Variants in SMPD1 observed in about 807,000 individuals in gnomAD.
SMPD1 encodes sphingomyelin phosphodiesterase 1, also known as sphingomyelin phosphodiesterase.
A neutral mutation model predicts 49.7 loss-of-function variants in SMPD1; 47 were observed. That is an observed-to-expected ratio of 0.95 (90% CI 0.75 to 1.21). SMPD1 has a LOEUF of 1.21. Among genes scored for constraint, SMPD1 ranks in the 50% most tolerant of loss-of-function variants. The pLI is 0.00. For synonymous variants in SMPD1, 336 were observed against 339.6 expected (o/e 0.99, Z 0.12); for missense variants, 811 against 822.2 (o/e 0.99, Z 0.17).
In SMPD1 at chr11:6,391,629, C is replaced by CAA; in HGVS notation, c.566_567dup (p.Pro190AsnfsTer68). The CAA allele has an allele frequency of 6.5e-7, 1 of 1,543,596 alleles. No homozygotes were observed. The highest frequency in any genetic ancestry group is 8.8e-7 in the Non-Finnish European group (1 of 1,142,296). On this transcript the variant is annotated frameshift_variant, in exon 2 of 6. Transcript: ENST00000342245. LOFTEE classifies it high-confidence loss of function. ...TGCCTACTGTGCCGAAGCCGCCCCC[C>CAA]AAACCCCCTAGCCCCCCAGCCCCAG...
rs1270724849 is a variant in SMPD1, at chr11:6,392,033, G to T, written c.968G>T (p.Ser323Ile). ...PVYPAVGNHESTPVNSFPPPF... is the reference protein window; with the variant it reads ...PVYPAVGNHEITPVNSFPPPF... Reference sequence around the variant, plus strand: ...TACCCTGCTGTGGGTAACCATGAAAGCACACCTGTCAATAGCTTCCCTCCC... The same window carrying T: ...TACCCTGCTGTGGGTAACCATGAAATCACACCTGTCAATAGCTTCCCTCCC... Residue 323 changes from serine (S) to isoleucine (I), a missense_variant, in exon 2 of 6, where the codon AGC (serine) becomes ATC (isoleucine). Transcript: ENST00000342245. The T allele has an allele frequency of 5.0e-6, 8 of 1,614,036 alleles. No individual in the cohort carries two copies. Among genetic ancestry groups the T allele is most frequent in the Non-Finnish European group, 6.8e-6 (8 of 1,180,038 alleles).
chr11:6,391,687 G>C lies in SMPD1; in HGVS notation c.622G>C (p.Asp208His), dbSNP rs1445580451. The C allele has an allele frequency of 1.4e-6, 2 of 1,461,690 alleles. No individual in the cohort carries two copies. The highest frequency in any genetic ancestry group is 1.8e-6 in the Non-Finnish European group (2 of 1,096,978). The allele number at this position is 1,461,690 out of a possible 1,614,324, so 90.5% of individuals were successfully genotyped here. ...TGTCAGCCGCATCCTCTTCCTCACT[G>C]ACCTGCACTGGGATCATGACTACCT... The part of the protein sequence containing the change: ...APVSRILFLT[D>H]LHWDHDYLEG... Residue 208 changes from aspartate (D) to histidine (H), a missense_variant, in exon 2 of 6, where the codon GAC becomes CAC. Physicochemically the swap from Asp to His is moderately conservative, Grantham distance 81. Transcript: ENST00000342245.
At chr11:6,393,009 C>T (rs1389098195) in intron 2 of SMPD1, among the ~76,000 whole-genome samples, 2 of 152,106 alleles carry the variant, frequency 1.3e-5, no homozygotes, top group African/African-American at 4.8e-5. Flanking sequence ...ACTCTTATCC[C>T]TCCCCCATAC....
rs373475928 is a variant in SMPD1, at chr11:6,390,903, A to C, written c.305A>C (p.Asn102Thr). ...PICKGLFTAI[N>T]LGLKKEPNVA... Reference sequence around the variant, plus strand: ...TGCAAAGGTCTATTCACCGCCATCAACCTCGGGCTGAAGGTGAGCACTGAA... The same window carrying C: ...TGCAAAGGTCTATTCACCGCCATCACCCTCGGGCTGAAGGTGAGCACTGAA... The change falls in exon 1 of 6, where the codon AAC (asparagine) becomes ACC (threonine). Residue 102 changes from asparagine to threonine, a missense_variant. Physicochemically the swap from Asn to Thr is moderately conservative, Grantham distance 65. Transcript: ENST00000342245. The C allele has an allele frequency of 6.2e-7, 1 of 1,614,062 alleles. No individual in the cohort carries two copies. The highest frequency in any genetic ancestry group is 8.5e-7 in the Non-Finnish European group (1 of 1,180,020).
intron 3 of SMPD1, 54 bp downstream of exon 3, chr11:6,393,441 T>TA: frequency 6.3e-7 from 1 of 1,575,290 alleles, no homozygotes; most frequent in South Asian, 1.1e-5. Flanking sequence ...AGGCTCCTGT[T>TA]GAGCTGGAGC....
intron 1 of SMPD1, 106 bp downstream of exon 1, chr11:6,391,022 G>C (rs1185727827): frequency 1.4e-6 from 2 of 1,404,890 alleles, no homozygotes; most frequent in Non-Finnish European, 2.0e-6. Context: ...CTGATGGAGA[G>C]GGTGGCATCT....
rs1057516432 is a variant in SMPD1, at chr11:6,393,262, ATC to A, written c.1145_1146del (p.Leu382GlnfsTer8). ...ALSPYPGLRL[I>X]SLNMNFCSRE... is the part of the protein sequence containing the mutation. ...TTCCCCATACCCCGGTCTCCGCCTCATCTCTCTCAATATGAATTTTTGTTCCC... is the reference window on the plus strand; with the variant it reads ...TTCCCCATACCCCGGTCTCCGCCTCATCTCTCAATATGAATTTTTGTTCCC... On this transcript the variant is annotated frameshift_variant, in exon 3 of 6. Coordinates refer to ENST00000342245, the MANE Select transcript of SMPD1 (RefSeq NM_000543.5). LOFTEE classifies it high-confidence loss of function. 2.1e-5 allele frequency: 34 copies of A among 1,613,768 alleles called. No homozygotes were observed. The highest frequency in any genetic ancestry group is 2.8e-5 in the Non-Finnish European group (33 of 1,179,862).
intron 2 of SMPD1, 103 bp downstream of exon 2, chr11:6,392,259 C>T (rs1847960517): frequency 1.6e-6 from 2 of 1,262,772 alleles, no homozygotes; most frequent in South Asian, 1.2e-5. Flanking sequence ...TAGCATGAGT[C>T]CTTAGTGCTC....
In SMPD1 at chr11:6,392,092, C is replaced by T. The variant is rs1218611319; in HGVS notation, c.1027C>T (p.Leu343Phe). Residue 343 changes from leucine (L) to phenylalanine (F), a missense_variant, in exon 2 of 6, where the codon CTC becomes TTC. Coordinates refer to ENST00000342245, the MANE Select transcript of SMPD1 (RefSeq NM_000543.5). ...FIEGNHSSRWLYEAMAKAWEP... is the reference protein window; with the variant it reads ...FIEGNHSSRWFYEAMAKAWEP... ...TGAGGGCAACCACTCCTCCCGCTGG[C>T]TCTATGAAGCGATGGCCAAGGCTTG... is the stretch of plus-strand genomic sequence containing the variant. The T allele has an allele frequency of 6.2e-7, 1 of 1,614,062 alleles. No individual in the cohort carries two copies. The highest frequency in any genetic ancestry group is 8.5e-7 in the Non-Finnish European group (1 of 1,180,038).
intron 2 of SMPD1, 87 bp downstream of exon 2, chr11:6,392,243 T>C (rs1471113484): frequency 5.5e-6 from 8 of 1,465,430 alleles, no homozygotes; most frequent in East Asian, 2.3e-5. Context: ...TTGTCTCTGA[T>C]TGCTCTAGCA....
intron 1 of SMPD1, 55 bp from the exon 2 acceptor site, chr11:6,391,329 G>A (rs1449275996): frequency 6.3e-7 from 1 of 1,590,014 alleles, no homozygotes; most frequent in Non-Finnish European, 8.6e-7. Flanking sequence ...CCAGGGGTTG[G>A]CCTGGTTCCT....
Position 6,393,199 on chromosome 11 carries a change from T to A in SMPD1, c.1092-17T>A, listed in dbSNP as rs1481525737. On this transcript the variant is annotated splice_polypyrimidine_tract_variant and intron_variant, in intron 2 of 5. Transcript: ENST00000342245. The stretch of plus-strand genomic sequence containing the variant: ...GATTGGAACAAGTGTTGACCTCTCA[T>A]GTTTACTTTGTTTCAGAATTGGGGG... 5 of 1,612,084 alleles carry A rather than the reference T, an allele frequency of 3.1e-6. No homozygotes were observed. Among genetic ancestry groups the A allele is most frequent in the Non-Finnish European group, 4.2e-6 (5 of 1,178,436 alleles).
rs1554933850 is a variant in SMPD1 at position 6,390,724 on chromosome 11, GCTGGCGCTGGCGCTGGCT to G, written c.130_147del (p.Ala44_Leu49del). On this transcript the variant is annotated inframe_deletion, in exon 1 of 6. Transcript: ENST00000342245. ...GCCTGGTGCTGGCGCTGGCGCTGGCGCTGGCGCTGGCGCTGGCTCTGTCTGACTCTCGGGTTCTCTGGG... is the reference window on the plus strand; with the variant it reads ...GCCTGGTGCTGGCGCTGGCGCTGGCGCTGTCTGACTCTCGGGTTCTCTGGG... The G allele has an allele frequency of 1.9e-6, 3 of 1,571,772 alleles. No individual in the cohort carries two copies. The highest frequency in any genetic ancestry group is 1.7e-6 in the Non-Finnish European group (2 of 1,162,064).
At position 6,390,760 on chromosome 11, in the gene SMPD1, T is replaced by C. The variant is rs375248757; in HGVS notation, c.162T>C (p.Val54=). Residue 54 remains valine (V), a synonymous_variant, in exon 1 of 6, where the codon GTT becomes GTC. Coordinates refer to ENST00000342245, the MANE Select transcript of SMPD1 (RefSeq NM_000543.5). ...ALALALSDSR[V]LWAPAEAHPL... ...CGCTGGCTCTGTCTGACTCTCGGGT[T>C]CTCTGGGCTCCGGCAGAGGCTCACC... 4.3e-6 allele frequency: 7 copies of C among 1,613,518 alleles called. No homozygotes were observed. Among genetic ancestry groups the C allele is most frequent in the Non-Finnish European group, 4.2e-6 (5 of 1,179,788 alleles).
Position 6,390,603 on chromosome 11 carries a change from C to G in SMPD1, c.5C>G (p.Pro2Arg), listed in dbSNP as rs769252257. Residue 2 changes from proline (P) to arginine (R), a missense_variant, in exon 1 of 6, where the codon CCC becomes CGC. Pro to Arg is a moderately radical substitution (Grantham distance 103). Transcript: ENST00000342245. ...CCCCGTGTAGGAAGCGCGACAATGC[C>G]CCGCTACGGAGCGTCACTCCGCCAG... Reference protein sequence around the residue: MPRYGASLRQSC... With the variant: MRRYGASLRQSC... 6.2e-7 allele frequency: 1 copy of G among 1,612,158 alleles called. No homozygotes were observed. Among genetic ancestry groups the G allele is most frequent in the Non-Finnish European group, 8.5e-7 (1 of 1,179,586 alleles).
At position 6,390,562 on chromosome 11, in the gene SMPD1, G is replaced by T; in HGVS notation, c.-37G>T. ...GGCTAGGGTCCAGGCCGGGGGGGAC[G>T]GGACAGACGAACCAGCCCCGTGTAG... On this transcript the variant is annotated 5_prime_UTR_variant, in exon 1 of 6. Coordinates refer to ENST00000342245, the MANE Select transcript of SMPD1 (RefSeq NM_000543.5). 2.5e-6 allele frequency: 4 copies of T among 1,600,156 alleles called. No individual in the cohort carries two copies. The South Asian group carries it at 3.4e-5, about 13-fold the overall frequency.
At chr11:6,392,486 C>CTTTTTTTTT (rs754271358) in intron 2 of SMPD1, among the ~76,000 whole-genome samples, 1 of 45,684 alleles carries the variant, frequency 2.2e-5, no homozygotes, top group African/African-American at 9.1e-5. Flanking sequence ...CTGGCCCTCC[C>CTTTTTTTTT]TTTTTTTTTT....
Position 6,394,668 on chromosome 11 carries a change from G to A in SMPD1, c.*61G>A. ...TAGGAAAGGGTGAAAAAGCCCAAATGCTGCTGTGGTTCAACCAGGCAAGAT... is the reference window on the plus strand; with the variant it reads ...TAGGAAAGGGTGAAAAAGCCCAAATACTGCTGTGGTTCAACCAGGCAAGAT... On this transcript the variant is annotated 3_prime_UTR_variant, in exon 6 of 6. Transcript: ENST00000342245. 1 of 1,417,974 alleles carries A rather than the reference G, an allele frequency of 7.1e-7. No homozygotes were observed. Among genetic ancestry groups the A allele is most frequent in the Non-Finnish European group, 9.8e-7 (1 of 1,022,484 alleles). 87.8% of individuals were successfully genotyped at this position (1,417,974 alleles called of 1,614,324 possible).
Position 6,391,626 on chromosome 11 carries a change from C to A in SMPD1, c.561C>A (p.Pro187=). 6.5e-7 allele frequency: 1 copy of A among 1,544,360 alleles called. No homozygotes were observed. The highest frequency in any genetic ancestry group is 8.7e-7 in the Non-Finnish European group (1 of 1,142,966). ...NISLPTVPKP[P]PKPPSPPAPG... The stretch of plus-strand genomic sequence containing the variant: ...CTTTGCCTACTGTGCCGAAGCCGCC[C>A]CCCAAACCCCCTAGCCCCCCAGCCC... Residue 187 remains proline (P), a synonymous_variant, in exon 2 of 6, where the codon CCC becomes CCA. Transcript: ENST00000342245.
Sources: gnomAD v4.1 joint callset for allele counts (sites outside exome capture counted in the v4.1 genomes callset) on GRCh38, gnomAD v4.1.1 for gene constraint, MANE v1.5 for transcripts, NCBI Gene and HGNC (gene_info 2026-07-23, HGNC 2026-07-21) for gene names.